Variants in TMOD3 observed in about 807,000 individuals in gnomAD.
The protein encoded by TMOD3 is tropomodulin-3.
TMOD3 carries 20 observed loss-of-function variants against 39.2 expected under a neutral mutation model. That is an observed-to-expected ratio of 0.51 (90% CI 0.36 to 0.74). TMOD3 has a LOEUF of 0.74. Ranked by LOEUF, TMOD3 falls within the 30% of genes least tolerant of loss-of-function variation. TMOD3 has a pLI of 0.00. For missense variants in TMOD3, 381 were observed against 412.8 expected (o/e 0.92, Z 0.67); for synonymous variants, 143 against 145.8 (o/e 0.98, Z 0.14).
intron 3 of TMOD3, among the ~76,000 whole-genome samples, chr15:51,881,583 CAG>C (rs1327725084): frequency 3.6e-5 from 2 of 56,334 alleles, no homozygotes; most frequent in Non-Finnish European, 6.0e-5. Flanking sequence ...TTTTTTGAGA[CAG>C]AGTTTTGCTC....
intron 2 of TMOD3, among the ~76,000 whole-genome samples, chr15:51,864,063 C>T (rs2056432602): frequency 6.6e-6 from 1 of 151,866 alleles, no homozygotes; most frequent in African/African-American, 2.4e-5. Flanking sequence ...GCCAGGAGTT[C>T]GAGACCAGCC....
At chr15:51,866,836 C>T (rs979548518) in intron 2 of TMOD3, among the ~76,000 whole-genome samples, 1 of 152,180 alleles carries the variant, frequency 6.6e-6, no homozygotes, top group African/African-American at 2.4e-5. Context: ...TCTTTGCCCT[C>T]ATGACGCAGG....
At chr15:51,865,031 G>A (rs139412183) in intron 2 of TMOD3, among the ~76,000 whole-genome samples, 1,776 of 152,118 alleles carry the variant, frequency 0.012, 13 homozygotes, top group Middle Eastern at 0.024. Context: ...CTGTTCCTCA[G>A]GCAAGAGTGA....
Position 51,902,009 on chromosome 15 carries a change from A to G in TMOD3, c.997A>G (p.Asn333Asp). Residue 333 changes from asparagine to aspartate, a missense_variant, in exon 9 of 10, where the codon AAT becomes GAT. Transcript: ENST00000308580. Reference sequence around the variant, plus strand: ...GCAGGGACCACGAACCAGAGCAGCTAATGCTATAACAAAAAACAATGACTT... The same window carrying G: ...GCAGGGACCACGAACCAGAGCAGCTGATGCTATAACAAAAAACAATGACTT... The part of the protein sequence containing the change: ...TQQGPRTRAA[N>D]AITKNNDLVR... The G allele has an allele frequency of 6.2e-7, 1 of 1,614,140 alleles. No individual in the cohort carries two copies. Among genetic ancestry groups the G allele is most frequent in the South Asian group, 1.1e-5 (1 of 91,074 alleles).
At chr15:51,864,066 G>C (rs552193337) in intron 2 of TMOD3, among the ~76,000 whole-genome samples, 3 of 151,994 alleles carry the variant, frequency 2.0e-5, no homozygotes, top group African/African-American at 7.3e-5. Flanking sequence ...AGGAGTTCGA[G>C]ACCAGCCTGG....
intron 2 of TMOD3, among the ~76,000 whole-genome samples, chr15:51,866,513 AAG>A (rs1245680605): frequency 6.6e-6 from 1 of 152,098 alleles, no homozygotes; most frequent in African/African-American, 2.4e-5. Flanking sequence ...CCAGACCAAA[AAG>A]AAAGAAAGAA....
chr15:51,867,516 G>A (rs1032130615), intron 2 of TMOD3, among the ~76,000 whole-genome samples: 14 of 152,208 alleles, frequency 9.2e-5, no homozygotes, highest in African/African-American at 3.4e-4. Context: ...TAACACAGAA[G>A]TGAATTTTAT....
chr15:51,835,482 T>C (rs2056278045), intron 1 of TMOD3, among the ~76,000 whole-genome samples: 1 of 152,150 alleles, frequency 6.6e-6, no homozygotes, highest in Non-Finnish European at 1.5e-5. Flanking sequence ...CTAATTTTTG[T>C]ATGTTTAGTA....
intron 1 of TMOD3, among the ~76,000 whole-genome samples, chr15:51,832,672 T>G (rs2056262492): frequency 6.6e-6 from 1 of 151,704 alleles, no homozygotes; most frequent in Admixed American, 6.6e-5. Flanking sequence ...TCTCAAAAAC[T>G]AAAACAAAAG....
intron 3 of TMOD3, among the ~76,000 whole-genome samples, chr15:51,880,969 C>T (rs1376782294): frequency 1.3e-5 from 2 of 152,194 alleles, no homozygotes; most frequent in Admixed American, 6.5e-5. Flanking sequence ...TCTCCACATG[C>T]TTGCCAACAC....
chr15:51,904,783 G>A (rs1045756962), intron 9 of TMOD3, among the ~76,000 whole-genome samples: 2 of 152,172 alleles, frequency 1.3e-5, no homozygotes, highest in African/African-American at 4.8e-5. Context: ...GGGGTGTGGG[G>A]GGTGCAAATG....
chr15:51,907,012 C>G (rs2056685090), intron 9 of TMOD3, among the ~76,000 whole-genome samples: 1 of 129,978 alleles, frequency 7.7e-6, no homozygotes, highest in African/African-American at 2.9e-5. Context: ...AAGAGCGAAA[C>G]TCCGTCTCAA....
chr15:51,898,304 A>G (rs1343024800), intron 7 of TMOD3, among the ~76,000 whole-genome samples: 2 of 152,180 alleles, frequency 1.3e-5, no homozygotes, highest in Non-Finnish European at 2.9e-5. Context: ...GCTTTGTCTT[A>G]TCACTTTGAC....
chr15:51,851,671 C>T (rs2056362535), intron 1 of TMOD3, among the ~76,000 whole-genome samples: 1 of 152,142 alleles, frequency 6.6e-6, no homozygotes, highest in South Asian at 2.1e-4. Context: ...CAATGTTCAG[C>T]TCCTCAGGAT....
intron 3 of TMOD3, among the ~76,000 whole-genome samples, chr15:51,872,265 C>T (rs780743375): frequency 3.3e-5 from 5 of 152,072 alleles, no homozygotes; most frequent in African/African-American, 9.7e-5. Flanking sequence ...TGGTGGCATG[C>T]ACCTGTAATC....
chr15:51,876,069 C>G (rs943399194), intron 3 of TMOD3, among the ~76,000 whole-genome samples: 3 of 152,134 alleles, frequency 2.0e-5, no homozygotes, highest in African/African-American at 7.2e-5. Flanking sequence ...ATAAAACCTA[C>G]TTTGCCTGAT....
At chr15:51,840,673 G>C (rs1265286212) in intron 1 of TMOD3, among the ~76,000 whole-genome samples, 1 of 152,168 alleles carries the variant, frequency 6.6e-6, no homozygotes. Flanking sequence ...CTTCTTAAAT[G>C]GAGTCCCTGA....
At chr15:51,845,011 C>G (rs139000066) in intron 1 of TMOD3, among the ~76,000 whole-genome samples, 1 of 152,288 alleles carries the variant, frequency 6.6e-6, no homozygotes, top group African/African-American at 2.4e-5. Flanking sequence ...ATGTACATAT[C>G]TAGCATGATT....
chr15:51,888,300 A>T (rs1035462626), intron 4 of TMOD3, among the ~76,000 whole-genome samples: 4 of 152,182 alleles, frequency 2.6e-5, no homozygotes, highest in South Asian at 4.1e-4. Flanking sequence ...CTTCAAACCA[A>T]ATAACCCCAG....
Sources: allele counts gnomAD v4.1 joint callset (sites outside exome capture counted in the v4.1 genomes callset), GRCh38; gene constraint gnomAD v4.1.1; transcripts MANE v1.5; gene names NCBI Gene and HGNC (gene_info 2026-07-23, HGNC 2026-07-21).